The following GULP1 variants were observed in gnomAD, a reference collection of about 807,000 sequenced individuals.
GULP1 encodes the protein PTB domain-containing engulfment adapter protein 1.
In GULP1, 19 loss-of-function variants were observed where a neutral mutation model predicts 40.9. The observed-to-expected ratio is 0.46, with a 90% CI of 0.32 to 0.68. The LOEUF is 0.68. GULP1 is among the 30% of genes least tolerant of loss of function. The pLI is 0.03. For synonymous variants in GULP1, 119 were observed against 117.6 expected (o/e 1.01, Z -0.08); for missense variants, 312 against 362.2 (o/e 0.86, Z 1.12).
At chr2:188,472,678 T>C (rs776275525) in intron 2 of GULP1, among the ~76,000 whole-genome samples, 2 of 152,202 alleles carry the variant, frequency 1.3e-5, no homozygotes, top group Non-Finnish European at 2.9e-5. Context: ...TCTAATAGAA[T>C]TCTGAATGCC....
intron 1 of GULP1, among the ~76,000 whole-genome samples, chr2:188,319,432 C>G (rs1382018063): frequency 4.6e-5 from 7 of 152,078 alleles, no homozygotes; most frequent in Admixed American, 4.6e-4. Flanking sequence ...AAGATGGAAT[C>G]ATAGTGTATA....
chr2:188,353,022 A>T (rs1411359706), intron 1 of GULP1, among the ~76,000 whole-genome samples: 1 of 152,168 alleles, frequency 6.6e-6, no homozygotes. Context: ...AACATGAGCT[A>T]AGTTTGTATG....
chr2:188,353,431 C>T (rs1241095377), intron 1 of GULP1, among the ~76,000 whole-genome samples: 1 of 152,112 alleles, frequency 6.6e-6, no homozygotes, highest in Non-Finnish European at 1.5e-5. Flanking sequence ...CCACTCTACT[C>T]CATTTTCCCT....
intron 2 of GULP1, among the ~76,000 whole-genome samples, chr2:188,423,156 T>C (rs1575152367): frequency 6.6e-6 from 1 of 152,230 alleles, no homozygotes; most frequent in Non-Finnish European, 1.5e-5. Context: ...AGAAACTCTA[T>C]GTTAGCTAAA....
At chr2:188,330,892 G>A (rs967774487) in intron 1 of GULP1, among the ~76,000 whole-genome samples, 2 of 152,128 alleles carry the variant, frequency 1.3e-5, no homozygotes, top group Non-Finnish European at 2.9e-5. Context: ...CCTTCACTCT[G>A]TTTCAACCAG....
intron 2 of GULP1, among the ~76,000 whole-genome samples, chr2:188,442,264 G>A (rs977558629): frequency 2.6e-5 from 4 of 152,064 alleles, no homozygotes; most frequent in African/African-American, 9.7e-5. Flanking sequence ...TAATGTGGTT[G>A]TTATTTTTGT....
intron 1 of GULP1, among the ~76,000 whole-genome samples, chr2:188,357,255 A>G (rs547363581): frequency 4.6e-5 from 7 of 152,306 alleles, no homozygotes; most frequent in Non-Finnish European, 1.0e-4. Context: ...GAAACCATCA[A>G]CAAAGTTAAA....
At chr2:188,541,105 T>C in intron 6 of GULP1, 76 bp from the exon 7 acceptor site, 1 of 1,236,578 alleles carries the variant, frequency 8.1e-7, no homozygotes, top group Non-Finnish European at 1.2e-6. Context: ...AGTCACATGT[T>C]ATTAACACAA....
At chr2:188,449,524 C>G (rs1161578262) in intron 2 of GULP1, among the ~76,000 whole-genome samples, 2 of 152,122 alleles carry the variant, frequency 1.3e-5, no homozygotes, top group Non-Finnish European at 2.9e-5. Flanking sequence ...CATTATGGAA[C>G]TCGGTTTATA....
In GULP1 at chr2:188,342,965, A is replaced by T. The variant is rs189340704; in HGVS notation, c.-171-40798A>T. 7.5e-4 allele frequency among the ~76,000 whole-genome samples: 115 copies of T among 152,342 alleles called. 1 individual carries two copies. The highest frequency in any genetic ancestry group is 6.8e-3 in the Middle Eastern group (2 of 294). ...ACAGTTACGTAGACTGCTTCATGAT[A>T]TAAAATGCTACTACTAAATTTAGTG... On this transcript the variant is annotated intron_variant, in intron 1 of 11. Transcript: ENST00000409830.
intron 2 of GULP1, among the ~76,000 whole-genome samples, chr2:188,436,837 G>C (rs1366252201): frequency 6.6e-6 from 1 of 151,914 alleles, no homozygotes; most frequent in Non-Finnish European, 1.5e-5. Context: ...AAAACATTTT[G>C]GAAACCACTT....
chr2:188,589,811 T>TA lies in GULP1; in HGVS notation c.843+1866dup, dbSNP rs1015957796. The TA allele has an allele frequency of 3.2e-5, 26 of 815,552 alleles. No individual in the cohort carries two copies. In the Admixed American group the frequency reaches 5.4e-4, roughly 17 times the overall value. The allele number at this position is 815,552 out of a possible 1,614,324, so 50.5% of individuals were successfully genotyped here. A position where few individuals can be genotyped will look rare whatever the true frequency, so the allele number is the denominator to read the frequency against. On this transcript the variant is annotated intron_variant, in intron 11 of 11. Coordinates refer to ENST00000409830, the MANE Select transcript of GULP1 (RefSeq NM_016315.4). Reference sequence around the variant, plus strand: ...TTACAAATTTTTAAAGCTGAAACCTTAAAATTTGCATGCCTTATTTAATAA... The same window carrying TA: ...TTACAAATTTTTAAAGCTGAAACCTTAAAAATTTGCATGCCTTATTTAATAA...
At chr2:188,519,899 C>T (rs1246767579) in intron 4 of GULP1, among the ~76,000 whole-genome samples, 3 of 152,140 alleles carry the variant, frequency 2.0e-5, no homozygotes, top group Non-Finnish European at 4.4e-5. Flanking sequence ...TTGCCTCAAA[C>T]TCCTGAGTAG....
chr2:188,539,711 T>A (rs553886924), intron 6 of GULP1, among the ~76,000 whole-genome samples: 1 of 152,280 alleles, frequency 6.6e-6, no homozygotes, highest in South Asian at 2.1e-4. Context: ...AGGGAAAGAA[T>A]GCTTTGCTAT....
intron 4 of GULP1, among the ~76,000 whole-genome samples, chr2:188,499,218 A>G (rs1206928470): frequency 6.8e-6 from 1 of 148,048 alleles, no homozygotes; most frequent in Non-Finnish European, 1.5e-5. Flanking sequence ...AAATGGTAAC[A>G]ACTTTTAAAT....
At chr2:188,340,702 G>A (rs1189136597) in intron 1 of GULP1, among the ~76,000 whole-genome samples, 4 of 152,210 alleles carry the variant, frequency 2.6e-5, no homozygotes, top group Admixed American at 1.3e-4. Context: ...ATCAGCACCC[G>A]TCACACCCGA....
At chr2:188,441,295 A>G (rs1357436879) in intron 2 of GULP1, among the ~76,000 whole-genome samples, 10 of 152,162 alleles carry the variant, frequency 6.6e-5, no homozygotes, top group South Asian at 2.1e-4. Flanking sequence ...GGCTTTCTAT[A>G]CACCCTTTAC....
intron 10 of GULP1, among the ~76,000 whole-genome samples, chr2:188,587,610 C>T (rs74843734): frequency 0.027 from 4,097 of 152,168 alleles, 78 homozygotes; most frequent in Non-Finnish European, 0.043. Context: ...TTCACTAAAA[C>T]ACAGAAACCT....
At chr2:188,389,649 G>A (rs898767901) in intron 2 of GULP1, among the ~76,000 whole-genome samples, 31 of 152,040 alleles carry the variant, frequency 2.0e-4, no homozygotes, top group African/African-American at 6.8e-4. Flanking sequence ...GGGTATCAGC[G>A]GTTTTTAGTT....
Sources: allele counts gnomAD v4.1 joint callset (sites outside exome capture counted in the v4.1 genomes callset), GRCh38; gene constraint gnomAD v4.1.1; transcripts MANE v1.5; gene names NCBI Gene and HGNC (gene_info 2026-07-23, HGNC 2026-07-21).